The following LIMA1 variants were observed in gnomAD, a reference collection of about 807,000 sequenced individuals.
LIMA1 encodes the protein LIM domain and actin-binding protein 1.
A neutral mutation model predicts 62.6 loss-of-function variants in LIMA1; 52 were observed. The ratio of observed to expected loss-of-function variants is 0.83; its 90% CI spans 0.67 to 1.05. LIMA1 has a LOEUF of 1.05. Ranked by LOEUF, LIMA1 falls within the 50% of genes least tolerant of loss-of-function variation. LIMA1 has a pLI of 0.00. For missense variants in LIMA1, 780 were observed against 902.2 expected, an observed-to-expected ratio of 0.86 and a Z score of 1.74; for synonymous variants, 302 against 317.8, an observed-to-expected ratio of 0.95 and a Z score of 0.53.
intron 9 of LIMA1, 158 bp from the exon 10 acceptor site, chr12:50,182,195 A>C: frequency 1.4e-6 from 1 of 721,312 alleles, no homozygotes; most frequent in Non-Finnish European, 2.2e-6. Flanking sequence ...CTGACTCTTT[A>C]AAGCCAAGAG....
At chr12:50,237,393 T>C (rs1484477813) in intron 2 of LIMA1, among the ~76,000 whole-genome samples, 2 of 152,204 alleles carry the variant, frequency 1.3e-5, no homozygotes, top group Admixed American at 1.3e-4. Flanking sequence ...TCCCAGCACT[T>C]TGGGAGGCCA....
intron 10 of LIMA1, among the ~76,000 whole-genome samples, chr12:50,180,918 C>A (rs563026344): frequency 6.6e-6 from 1 of 151,934 alleles, no homozygotes; most frequent in East Asian, 1.9e-4. Flanking sequence ...CAAGACCATC[C>A]TGGCTAACAT....
intron 1 of LIMA1, among the ~76,000 whole-genome samples, chr12:50,253,901 G>A (rs753012837): frequency 3.3e-5 from 5 of 151,812 alleles, no homozygotes; most frequent in South Asian, 2.1e-4. Flanking sequence ...GGTGGCAGGC[G>A]CCTGTAATCC....
rs923214910 is a variant in LIMA1, at chr12:50,246,231, CAA to C, written c.119+2400_119+2401del. Among the ~76,000 whole-genome samples the C allele has an allele frequency of 1.9e-3, 100 of 51,352 alleles. 1 individual carries two copies. The highest frequency in any genetic ancestry group is 5.5e-3 in the African/African-American group (77 of 14,128). The allele number at this position is 51,352 out of a possible 152,430, so 33.7% of individuals were successfully genotyped here. On this transcript the variant is annotated intron_variant, in intron 2 of 10. Transcript: ENST00000341247. ...TGGGTGACAGAGTGAGACTCCATCT[CAA>C]AAAAAAAAAAAAAAAAAGAAAGAGC...
At chr12:50,230,788 A>T (rs1941600388) in intron 3 of LIMA1, among the ~76,000 whole-genome samples, 1 of 151,748 alleles carries the variant, frequency 6.6e-6, no homozygotes, top group Non-Finnish European at 1.5e-5. Context: ...CGTGTTAGCC[A>T]GGATGGTCTC....
chr12:50,222,633 A>T (rs780980494), intron 3 of LIMA1, 148 bp from the exon 4 acceptor site: 47 of 1,533,200 alleles, frequency 3.1e-5, no homozygotes, highest in Non-Finnish European at 3.9e-5. Flanking sequence ...GCCTTGCCAC[A>T]TGGAGAAAGC....
chr12:50,281,716 G>A (rs1415974689), intron 1 of LIMA1, among the ~76,000 whole-genome samples: 2 of 152,196 alleles, frequency 1.3e-5, no homozygotes, highest in Non-Finnish European at 2.9e-5. Context: ...GAGGAAGAGA[G>A]GGTAAGAAAT....
chr12:50,237,112 C>G (rs1363397429), intron 2 of LIMA1, among the ~76,000 whole-genome samples: 1 of 152,040 alleles, frequency 6.6e-6, no homozygotes, highest in Non-Finnish European at 1.5e-5. Flanking sequence ...TTTCTGCTCC[C>G]AGAATTTGTC....
At chr12:50,257,494 C>T (rs1041750764) in intron 1 of LIMA1, among the ~76,000 whole-genome samples, 3 of 152,172 alleles carry the variant, frequency 2.0e-5, no homozygotes, top group African/African-American at 7.2e-5. Flanking sequence ...GTCACACCAG[C>T]AGTGTTTCTT....
chr12:50,272,405 C>A (rs1473103771), intron 1 of LIMA1, among the ~76,000 whole-genome samples: 1 of 151,456 alleles, frequency 6.6e-6, no homozygotes, highest in Non-Finnish European at 1.5e-5. Flanking sequence ...GCCTGACCAA[C>A]ATGGAGAAAC....
intron 1 of LIMA1, among the ~76,000 whole-genome samples, chr12:50,270,678 T>C (rs983995599): frequency 6.6e-6 from 1 of 151,640 alleles, no homozygotes; most frequent in Non-Finnish European, 1.5e-5. Flanking sequence ...ACAGGGCTTC[T>C]ATTACCTTAT....
chr12:50,234,250 C>T, intron 2 of LIMA1: 1 of 389,852 alleles, frequency 2.6e-6, no homozygotes, highest in Non-Finnish European at 5.0e-6. Flanking sequence ...GCTCTGTTGC[C>T]CAGGCTGGAG....
intron 6 of LIMA1, chr12:50,201,335 A>G: frequency 2.0e-6 from 2 of 987,892 alleles, no homozygotes; most frequent in Non-Finnish European, 2.4e-6. Context: ...CTGGAAAGAG[A>G]GACAGGGATG....
chr12:50,252,635 T>C (rs1941945651), intron 1 of LIMA1, among the ~76,000 whole-genome samples: 1 of 142,004 alleles, frequency 7.0e-6, no homozygotes, highest in Non-Finnish European at 1.5e-5. Flanking sequence ...AAGAAAACCA[T>C]GCTAAGGAGT....
At chr12:50,245,948 G>A (rs933173612) in intron 2 of LIMA1, among the ~76,000 whole-genome samples, 7 of 151,986 alleles carry the variant, frequency 4.6e-5, no homozygotes, top group African/African-American at 1.7e-4. Context: ...GGAGCAGGCA[G>A]CCAGGCCGGG....
At chr12:50,281,495 T>G (rs1254539089) in intron 1 of LIMA1, among the ~76,000 whole-genome samples, 1 of 152,122 alleles carries the variant, frequency 6.6e-6, no homozygotes, top group Non-Finnish European at 1.5e-5. Context: ...AAAGCTTGAG[T>G]GTACCAAGTT....
At chr12:50,246,608 C>A (rs976750571) in intron 2 of LIMA1, among the ~76,000 whole-genome samples, 2 of 152,192 alleles carry the variant, frequency 1.3e-5, no homozygotes, top group African/African-American at 2.4e-5. Context: ...ACTCTCCCCA[C>A]ATGAAAACCA....
intron 1 of LIMA1, among the ~76,000 whole-genome samples, chr12:50,273,397 C>T (rs1389636675): frequency 6.6e-6 from 1 of 152,138 alleles, no homozygotes; most frequent in Non-Finnish European, 1.5e-5. Flanking sequence ...GGGGAAAGAT[C>T]ATCACTGTCT....
At chr12:50,268,908 G>A (rs535101388) in intron 1 of LIMA1, among the ~76,000 whole-genome samples, 4 of 152,142 alleles carry the variant, frequency 2.6e-5, no homozygotes, top group Admixed American at 6.5e-5. Context: ...ACATCTTCCC[G>A]GTATTTAGGG....
Sources: allele counts gnomAD v4.1 joint callset (sites outside exome capture counted in the v4.1 genomes callset), GRCh38; gene constraint gnomAD v4.1.1; transcripts MANE v1.5; gene names NCBI Gene and HGNC (gene_info 2026-07-23, HGNC 2026-07-21).